AGK: variants seen among roughly 807,000 people sequenced by gnomAD.
AGK encodes acylglycerol kinase, mitochondrial.
In AGK, 52 loss-of-function variants were observed where a neutral mutation model predicts 66.4. That is an observed-to-expected ratio of 0.78 (90% CI 0.63 to 0.99). The LOEUF (loss-of-function observed/expected upper bound fraction) is 0.99. Ranked by LOEUF, AGK falls within the 50% of genes least tolerant of loss-of-function variation. The pLI is 0.00. For synonymous variants in AGK, 182 were observed against 181.1 expected, an observed-to-expected ratio of 1.00 and a Z score of -0.04; for missense variants, 451 against 506.6, an observed-to-expected ratio of 0.89 and a Z score of 1.05.
chr7:141,644,750 ATAAG>A (rs142901033), intron 13 of AGK, among the ~76,000 whole-genome samples: 1,997 of 152,262 alleles, frequency 0.013, 43 homozygotes, highest in African/African-American at 0.045. Context: ...ACCCCCACTT[ATAAG>A]TGAGTTTTGT....
chr7:141,639,442 A>G (rs150253104), intron 11 of AGK, among the ~76,000 whole-genome samples: 24 of 152,320 alleles, frequency 1.6e-4, no homozygotes, highest in Non-Finnish European at 1.6e-4. Flanking sequence ...GACAGAAAGC[A>G]TGACTGAATT....
Position 141,651,018 on chromosome 7 carries a change from A to G in AGK, c.1047-507A>G, listed in dbSNP as rs114322285. Among the ~76,000 whole-genome samples, 674 of 152,338 alleles carry G rather than the reference A, an allele frequency of 4.4e-3. 7 individuals are homozygous for G. The highest frequency in any genetic ancestry group is 0.016 in the African/African-American group (647 of 41,580). ...GCAAAAATATGTATTCTCTATCCTCAGTTGGTTGAATCCACGGGAGTGGGA... is the reference window on the plus strand; with the variant it reads ...GCAAAAATATGTATTCTCTATCCTCGGTTGGTTGAATCCACGGGAGTGGGA... On this transcript the variant is annotated intron_variant, in intron 14 of 15. Coordinates refer to ENST00000649286, the MANE Select transcript of AGK (RefSeq NM_018238.4).
intron 2 of AGK, among the ~76,000 whole-genome samples, chr7:141,560,744 T>C (rs929952557): frequency 3.3e-5 from 5 of 152,170 alleles, no homozygotes; most frequent in Non-Finnish European, 5.9e-5. Context: ...GTTACTTCGC[T>C]TAGAGTAATG....
intron 2 of AGK, among the ~76,000 whole-genome samples, chr7:141,588,447 T>C (rs1379388103): frequency 1.3e-5 from 2 of 152,078 alleles, no homozygotes; most frequent in African/African-American, 4.8e-5. Flanking sequence ...CTGGCCAACA[T>C]GGTGAAACCA....
intron 2 of AGK, among the ~76,000 whole-genome samples, chr7:141,568,083 C>G (rs1795507605): frequency 6.6e-6 from 1 of 152,282 alleles, no homozygotes; most frequent in African/African-American, 2.4e-5. Context: ...GAAGTTAAAA[C>G]CAAGTGCTGC....
At chr7:141,612,399 T>C (rs1378509151) in intron 6 of AGK, among the ~76,000 whole-genome samples, 1 of 152,184 alleles carries the variant, frequency 6.6e-6, no homozygotes, top group Non-Finnish European at 1.5e-5. Context: ...TGAATACATT[T>C]GTGTTACACA....
chr7:141,613,803 T>C (rs1220307890), intron 6 of AGK, among the ~76,000 whole-genome samples: 1 of 152,208 alleles, frequency 6.6e-6, no homozygotes, highest in African/African-American at 2.4e-5. Flanking sequence ...GTATATGTAC[T>C]TCATAGTGGT....
chr7:141,593,259 G>T (rs1404455414), intron 3 of AGK, 74 bp downstream of exon 3: 1 of 1,351,406 alleles, frequency 7.4e-7, no homozygotes. Context: ...CTCTTTCAGG[G>T]GACTTGCACA....
chr7:141,596,285 G>C (rs1796224021), intron 3 of AGK, among the ~76,000 whole-genome samples: 1 of 152,144 alleles, frequency 6.6e-6, no homozygotes, highest in Non-Finnish European at 1.5e-5. Flanking sequence ...AATAAACCTA[G>C]CTATATCTTA....
intron 2 of AGK, among the ~76,000 whole-genome samples, chr7:141,589,563 A>AT (rs111279199): frequency 0.016 from 2,350 of 144,608 alleles, 35 homozygotes; most frequent in African/African-American, 0.047. Flanking sequence ...GTTAAGTATG[A>AT]TTTTTTTTTT....
At chr7:141,614,584 T>C (rs1796666955) in intron 7 of AGK, among the ~76,000 whole-genome samples, 1 of 143,484 alleles carries the variant, frequency 7.0e-6, no homozygotes, top group Non-Finnish European at 1.5e-5. Context: ...GTTGCCCAGG[T>C]ATGTTATGCA....
intron 2 of AGK, among the ~76,000 whole-genome samples, chr7:141,556,585 A>G (rs1028786450): frequency 1.3e-5 from 2 of 151,938 alleles, no homozygotes; most frequent in Admixed American, 6.6e-5. Flanking sequence ...GTTTGCCCCA[A>G]GCAGTTCCCA....
intron 11 of AGK, among the ~76,000 whole-genome samples, chr7:141,637,912 A>G (rs1797207847): frequency 6.6e-6 from 1 of 152,246 alleles, no homozygotes; most frequent in Non-Finnish European, 1.5e-5. Context: ...ATGTGATTTT[A>G]AAAATGAACT....
chr7:141,624,823 G>A (rs1796901818), intron 9 of AGK, among the ~76,000 whole-genome samples: 1 of 152,224 alleles, frequency 6.6e-6, no homozygotes, highest in South Asian at 2.1e-4. Context: ...CAGGGATTGA[G>A]AAGACTGACT....
At chr7:141,623,083 A>T (rs1229861622) in intron 9 of AGK, among the ~76,000 whole-genome samples, 1 of 152,194 alleles carries the variant, frequency 6.6e-6, no homozygotes, top group Non-Finnish European at 1.5e-5. Context: ...GAGCATATGA[A>T]TGATAAGAAA....
intron 2 of AGK, among the ~76,000 whole-genome samples, chr7:141,589,500 G>A (rs375968355): frequency 5.3e-5 from 8 of 151,964 alleles, no homozygotes; most frequent in African/African-American, 9.7e-5. Flanking sequence ...AGGAATAGTC[G>A]GGTTCAGATA....
intron 5 of AGK, among the ~76,000 whole-genome samples, chr7:141,607,983 C>G (rs1380331788): frequency 6.6e-6 from 1 of 151,780 alleles, no homozygotes; most frequent in African/African-American, 2.4e-5. Flanking sequence ...AATTTTTATT[C>G]TTTTATTCAT....
Position 141,555,240 on chromosome 7 carries a change from A to G in AGK, c.-14-213A>G, listed in dbSNP as rs1587052813. Among the ~76,000 whole-genome samples the G allele has an allele frequency of 1.3e-5, 2 of 152,154 alleles. No homozygotes were observed. Among genetic ancestry groups the G allele is most frequent in the African/African-American group, 4.8e-5 (2 of 41,436 alleles). On this transcript the variant is annotated intron_variant, in intron 1 of 15. Transcript: ENST00000649286. This position sits in a 1 kb window ranked among gnomAD's most constrained non-coding sequence, Gnocchi z 4.2. ...TACGTGAAGGAAGAAAGAAAGGTGG[A>G]TGGATGTGTGGGTGGATGAGAAGAT...
At chr7:141,645,453 A>G (rs1160525438) in intron 13 of AGK, among the ~76,000 whole-genome samples, 1 of 152,152 alleles carries the variant, frequency 6.6e-6, no homozygotes, top group East Asian at 1.9e-4. Context: ...CAAATTTTCT[A>G]CAGATTTAGT....
Sources: allele counts gnomAD v4.1 joint callset (sites outside exome capture counted in the v4.1 genomes callset), GRCh38; gene constraint gnomAD v4.1.1; non-coding constraint Gnocchi (gnomAD v3.1); transcripts MANE v1.5; gene names NCBI Gene and HGNC (gene_info 2026-07-23, HGNC 2026-07-21).